The following SCARA5 variants were observed in gnomAD, a reference collection of about 807,000 sequenced individuals.
SCARA5 encodes scavenger receptor class A, member 5 (putative).
Under a neutral mutation model 46.3 loss-of-function variants are expected in SCARA5, and 45 were observed. The ratio of observed to expected loss-of-function variants is 0.97; its 90% CI spans 0.76 to 1.24. SCARA5 has a LOEUF of 1.24. Ranked by LOEUF, SCARA5 falls within the 50% of genes most tolerant of loss-of-function variation. SCARA5 has a pLI of 0.00. For synonymous variants in SCARA5, 333 were observed against 306.5 expected (o/e 1.09, Z -0.90); for missense variants, 680 against 689.0 (o/e 0.99, Z 0.15).
chr8:27,963,175 G>A (rs1808316894), intron 3 of SCARA5, among the ~76,000 whole-genome samples: 1 of 152,150 alleles, frequency 6.6e-6, no homozygotes, highest in African/African-American at 2.4e-5. Context: ...ACCACACCCA[G>A]TCACCACAGT....
chr8:27,926,265 C>T (rs994808591), intron 3 of SCARA5, among the ~76,000 whole-genome samples: 5 of 152,064 alleles, frequency 3.3e-5, no homozygotes, highest in African/African-American at 1.2e-4. Context: ...TACTATGCAG[C>T]CATAAAAAAG....
rs759539682 is a variant in SCARA5 at position 27,921,901 on chromosome 8, G to A, written c.586C>T (p.Gln196Ter). ...CCCGCGTGGCGCCTCAGCAGCAGCT[G>A]GCTACTGTTGCTCTCCACCTGCAGC... ...YQLQVESNSS[Q>*]LLLRRHAGLL... The change falls in exon 4 of 9, where the codon CAG (glutamine) becomes TAG (stop). Residue 196 changes from glutamine (Q) to a stop codon, truncating the protein, a stop_gained. Coordinates refer to ENST00000354914, the MANE Select transcript of SCARA5 (RefSeq NM_173833.6). LOFTEE classifies it high-confidence loss of function. 5.5e-5 allele frequency: 84 copies of A among 1,514,954 alleles called. No individual in the cohort carries two copies. Among genetic ancestry groups the A allele is most frequent in the Non-Finnish European group, 7.1e-5 (81 of 1,139,228 alleles). 93.8% of individuals were successfully genotyped at this position (1,514,954 alleles called of 1,614,324 possible).
At chr8:27,968,427 C>T (rs894564284) in intron 2 of SCARA5, among the ~76,000 whole-genome samples, 2 of 152,226 alleles carry the variant, frequency 1.3e-5, no homozygotes, top group African/African-American at 4.8e-5. Context: ...TTCTAACTCA[C>T]CCTAAACCTT....
chr8:27,894,716 C>T (rs1373861014), intron 7 of SCARA5, among the ~76,000 whole-genome samples: 1 of 152,176 alleles, frequency 6.6e-6, no homozygotes, highest in African/African-American at 2.4e-5. Context: ...AGCATGTGCT[C>T]TCCACTAATG....
At chr8:27,950,779 T>A (rs946481099) in intron 3 of SCARA5, among the ~76,000 whole-genome samples, 7 of 151,862 alleles carry the variant, frequency 4.6e-5, no homozygotes, top group African/African-American at 1.7e-4. Flanking sequence ...GTGCCAGCAC[T>A]TTCCTTGAGC....
intron 7 of SCARA5, among the ~76,000 whole-genome samples, chr8:27,891,495 C>T (rs899003017): frequency 2.0e-5 from 3 of 152,172 alleles, no homozygotes; most frequent in Admixed American, 6.5e-5. Flanking sequence ...TGAGACACTG[C>T]GCCCAGCCTA....
At chr8:27,969,074 T>C (rs922107228) in intron 2 of SCARA5, among the ~76,000 whole-genome samples, 1 of 152,170 alleles carries the variant, frequency 6.6e-6, no homozygotes, top group Non-Finnish European at 1.5e-5. Context: ...AAGCAGAACA[T>C]GAATGATCTG....
intron 2 of SCARA5, among the ~76,000 whole-genome samples, chr8:27,977,154 A>G (rs1334315392): frequency 2.6e-5 from 4 of 152,162 alleles, no homozygotes; most frequent in African/African-American, 9.7e-5. Context: ...GGTCCCTTTT[A>G]TAAGGGCACT....
intron 3 of SCARA5, among the ~76,000 whole-genome samples, chr8:27,942,077 C>T (rs997091532): frequency 7.2e-5 from 11 of 152,068 alleles, no homozygotes; most frequent in Admixed American, 6.5e-5. Flanking sequence ...GATCTACCCA[C>T]CTCGGCCTCC....
At chr8:27,934,890 G>A (rs1807830360) in intron 3 of SCARA5, among the ~76,000 whole-genome samples, 1 of 152,262 alleles carries the variant, frequency 6.6e-6, no homozygotes, top group Non-Finnish European at 1.5e-5. Flanking sequence ...TGATGAAGCT[G>A]CCCAGGGCCC....
chr8:27,966,647 G>C, intron 2 of SCARA5, 105 bp from the exon 3 acceptor site: 1 of 1,254,620 alleles, frequency 8.0e-7, no homozygotes, highest in Non-Finnish European at 1.1e-6. Context: ...AGATGTTCAT[G>C]TTGAACTTCT....
intron 2 of SCARA5, among the ~76,000 whole-genome samples, chr8:27,981,304 C>T (rs1006768770): frequency 6.6e-6 from 1 of 152,196 alleles, no homozygotes. Flanking sequence ...CCCAGAAGGA[C>T]AGAGCAGCAT....
At chr8:27,935,753 T>C (rs1232972391) in intron 3 of SCARA5, among the ~76,000 whole-genome samples, 1 of 152,038 alleles carries the variant, frequency 6.6e-6, no homozygotes, top group Non-Finnish European at 1.5e-5. Flanking sequence ...CCCCACCCAT[T>C]CCCAGCAGAT....
intron 3 of SCARA5, among the ~76,000 whole-genome samples, chr8:27,947,338 G>T (rs1337689194): frequency 1.3e-5 from 2 of 152,074 alleles, no homozygotes; most frequent in Non-Finnish European, 2.9e-5. Flanking sequence ...GGGCAAATTG[G>T]CTTAAAAATC....
At chr8:27,904,934 C>T in intron 6 of SCARA5, 100 bp from the exon 7 acceptor site, 3 of 1,099,746 alleles carry the variant, frequency 2.7e-6, no homozygotes, top group Non-Finnish European at 4.0e-6. Flanking sequence ...ACCAGAGAAA[C>T]CCTCAGGCAG....
Position 27,921,879 on chromosome 8 carries a change from G to A in SCARA5, c.608C>T (p.Ala203Val), listed in dbSNP as rs1333456933. 2 of 1,497,080 alleles carry A rather than the reference G, an allele frequency of 1.3e-6. No homozygotes were observed. Among genetic ancestry groups the A allele is most frequent in the Non-Finnish European group, 8.8e-7 (1 of 1,131,310 alleles). 92.7% of individuals were successfully genotyped at this position (1,497,080 alleles called of 1,614,324 possible). A position where few individuals can be genotyped will look rare whatever the true frequency, so the allele number is the denominator to read the frequency against. ...NSSQLLLRRHAGLLDGLARRV... is the reference protein window; with the variant it reads ...NSSQLLLRRHVGLLDGLARRV... ...GCGCGCCAGCCCGTCCAGCAGGCCC[G>A]CGTGGCGCCTCAGCAGCAGCTGGCT... Residue 203 changes from alanine (A) to valine (V), a missense_variant, in exon 4 of 9, where the codon GCG becomes GTG. Ala to Val is a moderately conservative substitution (Grantham distance 64). Transcript: ENST00000354914.
chr8:27,904,635 C>A, intron 7 of SCARA5, 143 bp downstream of exon 7: 1 of 794,526 alleles, frequency 1.3e-6, no homozygotes, highest in Non-Finnish European at 2.2e-6. Context: ...CAGCAGAGCC[C>A]TAAAAAAGGT....
chr8:27,912,056 A>G (rs2685343), intron 4 of SCARA5, among the ~76,000 whole-genome samples: 83,567 of 152,000 alleles, frequency 0.55, 23,780 homozygotes, highest in Non-Finnish European at 0.63. Context: ...TTCAGAGGGA[A>G]CGTGGCCCTG....
chr8:27,954,131 C>T (rs1180152644), intron 3 of SCARA5, among the ~76,000 whole-genome samples: 37 of 152,204 alleles, frequency 2.4e-4, no homozygotes, highest in Admixed American at 2.4e-3. Context: ...GTCCTCAGGG[C>T]ACTTACCCAG....
Sources: gnomAD v4.1 joint callset for allele counts (sites outside exome capture counted in the v4.1 genomes callset) on GRCh38, gnomAD v4.1.1 for gene constraint, MANE v1.5 for transcripts, NCBI Gene and HGNC (gene_info 2026-07-23, HGNC 2026-07-21) for gene names.